Variants in LDLRAD4 observed in about 807,000 individuals in gnomAD.
LDLRAD4 encodes low density lipoprotein receptor class A domain containing 4, also known as low-density lipoprotein receptor class A domain-containing protein 4.
In LDLRAD4, 5 loss-of-function variants were observed where a neutral mutation model predicts 17.0. The ratio of observed to expected loss-of-function variants is 0.29; its 90% CI spans 0.15 to 0.62. LDLRAD4 has a LOEUF of 0.62. Ranked by LOEUF, LDLRAD4 falls within the 20% of genes least tolerant of loss-of-function variation. LDLRAD4 has a pLI of 0.84. For missense variants in LDLRAD4, 340 were observed against 424.7 expected, an observed-to-expected ratio of 0.80 and a Z score of 1.75; for synonymous variants, 168 against 171.8, an observed-to-expected ratio of 0.98 and a Z score of 0.17.
upstream of LDLRAD4, among the ~76,000 whole-genome samples, chr18:13,273,964 A>G (rs927359365): frequency 1.3e-5 from 2 of 152,138 alleles, no homozygotes; most frequent in African/African-American, 4.8e-5. Context: ...TGAGATCGGC[A>G]GCCCCACAGG....
intron 1 of LDLRAD4, among the ~76,000 whole-genome samples, chr18:13,266,814 A>T (rs1462677004): frequency 6.6e-6 from 1 of 152,278 alleles, no homozygotes; most frequent in Non-Finnish European, 1.5e-5. Flanking sequence ...AGTTTCAGTC[A>T]CAGCCTCAGA....
chr18:13,267,513 T>C (rs889328362), intron 1 of LDLRAD4, among the ~76,000 whole-genome samples: 2 of 152,266 alleles, frequency 1.3e-5, no homozygotes, highest in African/African-American at 2.4e-5. Context: ...TGAATGCTAA[T>C]TCACTTTCTG....
chr18:13,307,610 G>A (rs186292526), intron 1 of LDLRAD4, among the ~76,000 whole-genome samples: 39 of 152,004 alleles, frequency 2.6e-4, no homozygotes, highest in African/African-American at 8.2e-4. Context: ...AGGAGAAGGG[G>A]GTCTCACTAT....
chr18:13,401,947 C>T (rs2087252118), intron 2 of LDLRAD4, among the ~76,000 whole-genome samples: 1 of 152,218 alleles, frequency 6.6e-6, no homozygotes. Flanking sequence ...ACTGACTTCA[C>T]AGTTTCCAAC....
At position 13,358,885 on chromosome 18, in the gene LDLRAD4, T is replaced by G. The variant is rs945004116; in HGVS notation, c.-382-28456T>G. 2.6e-5 allele frequency among the ~76,000 whole-genome samples: 4 copies of G among 152,072 alleles called. No individual in the cohort carries two copies. In the South Asian group the frequency reaches 8.3e-4, roughly 31 times the overall value. On this transcript the variant is annotated intron_variant, in intron 1 of 5. Coordinates refer to ENST00000359446, the Ensembl canonical transcript of LDLRAD4. ...CAAATATGATGAAATTTAACAAAGG[T>G]GAAAATTTTCATTCTGAAACTCCAT...
At chr18:13,378,494 C>G (rs924639074) in intron 1 of LDLRAD4, among the ~76,000 whole-genome samples, 30 of 152,166 alleles carry the variant, frequency 2.0e-4, no homozygotes, top group African/African-American at 7.0e-4. Flanking sequence ...GACGGAAGAA[C>G]AGCAGACAGG....
At chr18:13,454,307 C>T (rs1471083582) in intron 3 of LDLRAD4, among the ~76,000 whole-genome samples, 1 of 152,152 alleles carries the variant, frequency 6.6e-6, no homozygotes, top group African/African-American at 2.4e-5. Context: ...AAAGGGGTTC[C>T]AAATGCATTG....
chr18:13,603,685 A>T (rs983864955), intron 3 of LDLRAD4, among the ~76,000 whole-genome samples: 10 of 152,238 alleles, frequency 6.6e-5, no homozygotes, highest in African/African-American at 1.7e-4. Flanking sequence ...GTCAGTATTT[A>T]GGTTAGGCAC....
At chr18:13,469,351 A>G (rs1056121548) in intron 3 of LDLRAD4, among the ~76,000 whole-genome samples, 25 of 152,246 alleles carry the variant, frequency 1.6e-4, no homozygotes, top group Non-Finnish European at 3.4e-4. Flanking sequence ...TAAACATACA[A>G]TTACCATATG....
intron 1 of LDLRAD4, among the ~76,000 whole-genome samples, chr18:13,383,894 C>T (rs753713206): frequency 1.3e-5 from 2 of 152,198 alleles, no homozygotes; most frequent in Admixed American, 1.3e-4. Flanking sequence ...TTGTTGCTAG[C>T]AGTGAGAAAG....
chr18:13,438,338 G>T (rs898081484), exon 3 of LDLRAD4: 8 of 1,614,042 alleles, frequency 5.0e-6, no homozygotes, highest in Non-Finnish European at 6.8e-6. Flanking sequence ...GTGACGAAGA[G>T]AACTGTCTCC....
chr18:13,565,858 T>C (rs956032877), intron 3 of LDLRAD4, among the ~76,000 whole-genome samples: 2 of 152,224 alleles, frequency 1.3e-5, no homozygotes, highest in Non-Finnish European at 2.9e-5. Context: ...TTAAGGAGTT[T>C]GTGTTGATAT....
chr18:13,418,845 C>G (rs1253499599), intron 2 of LDLRAD4, among the ~76,000 whole-genome samples: 6 of 152,202 alleles, frequency 3.9e-5, no homozygotes, highest in Admixed American at 3.9e-4. Flanking sequence ...GGTTCCCACC[C>G]TTGGGAAGCT....
chr18:13,516,598 C>T (rs2093870744), intron 3 of LDLRAD4, among the ~76,000 whole-genome samples: 2 of 152,298 alleles, frequency 1.3e-5, no homozygotes, highest in Middle Eastern at 3.4e-3. Context: ...ACCAACAGAG[C>T]GGCACTTCAA....
intron 1 of LDLRAD4, among the ~76,000 whole-genome samples, chr18:13,373,811 T>C (rs772526747): frequency 6.6e-5 from 10 of 152,198 alleles, no homozygotes; most frequent in Non-Finnish European, 1.3e-4. Context: ...GGAGTATACT[T>C]TTACCTTGTA....
intron 2 of LDLRAD4, among the ~76,000 whole-genome samples, chr18:13,400,938 CAT>C (rs1296533784): frequency 1.3e-5 from 2 of 152,214 alleles, no homozygotes; most frequent in Non-Finnish European, 2.9e-5. Flanking sequence ...GGAATTCACA[CAT>C]GTCTGGGGAG....
chr18:13,640,892 T>C (rs1035014272), intron 4 of LDLRAD4, among the ~76,000 whole-genome samples: 1 of 152,158 alleles, frequency 6.6e-6, no homozygotes, highest in Admixed American at 6.5e-5. Context: ...GTTACTTATT[T>C]AACAAATTAA....
chr18:13,437,269 ACT>A (rs909208414), intron 2 of LDLRAD4, among the ~76,000 whole-genome samples: 46 of 152,068 alleles, frequency 3.0e-4, no homozygotes, highest in African/African-American at 1.1e-3. Context: ...TCCTCCAGAG[ACT>A]CTGTCTTCCC....
intron 2 of LDLRAD4, 145 bp from the exon 4 acceptor site, chr18:13,438,099 G>A: frequency 1.4e-6 from 1 of 730,328 alleles, no homozygotes; most frequent in Admixed American, 2.2e-5. Context: ...CCTTCTCTGA[G>A]TTTAGTGTCC....
Sources: allele counts gnomAD v4.1 joint callset (sites outside exome capture counted in the v4.1 genomes callset), GRCh38; gene constraint gnomAD v4.1.1; transcripts MANE v1.5; gene names NCBI Gene and HGNC (gene_info 2026-07-23, HGNC 2026-07-21).